The following FARP2 variants were observed in gnomAD, a reference collection of about 807,000 sequenced individuals.
The protein encoded by FARP2 is FERM, ARH/RhoGEF and pleckstrin domain protein 2, also known as FERM, ARHGEF and pleckstrin domain-containing protein 2.
A neutral mutation model predicts 130.5 loss-of-function variants in FARP2; 111 were observed. That is an observed-to-expected ratio of 0.85 (90% CI 0.73 to 1.00). The LOEUF is 1.00. FARP2 is among the 50% of genes least tolerant of loss of function. The pLI, the probability that FARP2 is intolerant of heterozygous loss-of-function variation, is 0.00. For missense variants in FARP2, 1,385 were observed against 1,346.3 expected, an observed-to-expected ratio of 1.03 and a Z score of -0.45; for synonymous variants, 504 against 516.9, an observed-to-expected ratio of 0.98 and a Z score of 0.34.
At chr2:241,420,701 C>T (rs1247092357) in intron 8 of FARP2, among the ~76,000 whole-genome samples, 2 of 152,180 alleles carry the variant, frequency 1.3e-5, no homozygotes, top group East Asian at 3.9e-4. Flanking sequence ...CCTCTTTGTC[C>T]TGCAGAGTTG....
At chr2:241,404,292 A>G (rs1211155894) in intron 3 of FARP2, among the ~76,000 whole-genome samples, 1 of 152,248 alleles carries the variant, frequency 6.6e-6, no homozygotes, top group Non-Finnish European at 1.5e-5. Flanking sequence ...ATATTTATAG[A>G]TAGAACTGTT....
rs766813957 is a variant in FARP2 at position 241,434,972 on chromosome 2, C to G, written c.1042C>G (p.Gln348Glu). 6.3e-7 allele frequency: 1 copy of G among 1,578,480 alleles called. No individual in the cohort carries two copies. The highest frequency in any genetic ancestry group is 1.7e-5 in the Admixed American group (1 of 58,492). Residue 348 changes from glutamine (Q) to glutamate (E), a missense_variant, in exon 11 of 27, where the codon CAG (glutamine) becomes GAG (glutamate). Gln to Glu is a conservative substitution (Grantham distance 29). Transcript: ENST00000264042. ...AATCTTTATTCACAGTGGAAGAACT[C>G]AGAAACAACTAGTAGATTATTTCAA... ...GSSFRYSGRT[Q>E]KQLVDYFKDS... is the part of the protein sequence containing the mutation.
intron 1 of FARP2, among the ~76,000 whole-genome samples, chr2:241,366,522 A>G (rs1261696661): frequency 6.6e-6 from 1 of 152,110 alleles, no homozygotes; most frequent in Non-Finnish European, 1.5e-5. Context: ...ATGTAGAAAG[A>G]AATCTCTTTG....
At chr2:241,411,605 G>C (rs1275584923) in intron 6 of FARP2, among the ~76,000 whole-genome samples, 1 of 152,190 alleles carries the variant, frequency 6.6e-6, no homozygotes, top group Non-Finnish European at 1.5e-5. Context: ...AAGAATTATA[G>C]TTACTTCAAA....
chr2:241,396,929 C>T (rs1276950230), intron 2 of FARP2, among the ~76,000 whole-genome samples: 2 of 152,136 alleles, frequency 1.3e-5, no homozygotes, highest in Non-Finnish European at 2.9e-5. Flanking sequence ...GACTTGGAAC[C>T]AACCCAAATG....
rs568216775 is a variant in FARP2 at position 241,380,465 on chromosome 2, T to C, written c.183+7175T>C. Among the ~76,000 whole-genome samples, 11 of 152,288 alleles carry C rather than the reference T, an allele frequency of 7.2e-5. No individual in the cohort carries two copies. In the South Asian group the frequency reaches 2.1e-3, roughly 29 times the overall value. On this transcript the variant is annotated intron_variant, in intron 2 of 26. Coordinates refer to ENST00000264042, the MANE Select transcript of FARP2 (RefSeq NM_014808.4). Reference sequence around the variant, plus strand: ...CGTGGGAGGCTAGAAAAGCTGAGCTTGTACAGGTTGAGTATCCCTTATCTA... The same window carrying C: ...CGTGGGAGGCTAGAAAAGCTGAGCTCGTACAGGTTGAGTATCCCTTATCTA...
chr2:241,444,842 A>G (rs1017328489), intron 13 of FARP2: 1 of 152,174 alleles, frequency 6.6e-6, no homozygotes, highest in Admixed American at 6.5e-5. Context: ...AACCCGCATC[A>G]CCTCAAATTC....
intron 1 of FARP2, among the ~76,000 whole-genome samples, chr2:241,360,169 C>G (rs184575233): frequency 5.3e-5 from 8 of 152,160 alleles, no homozygotes; most frequent in Admixed American, 4.6e-4. Flanking sequence ...CTCCTGTATC[C>G]CTAAGCATTT....
chr2:241,429,910 G>A (rs2063049841), intron 8 of FARP2, among the ~76,000 whole-genome samples: 2 of 152,136 alleles, frequency 1.3e-5, no homozygotes, highest in African/African-American at 4.8e-5. Context: ...GGAAAGAAAG[G>A]TTACTTTTTG....
At chr2:241,451,122 A>T (rs1212207275) in intron 13 of FARP2, among the ~76,000 whole-genome samples, 2 of 151,846 alleles carry the variant, frequency 1.3e-5, no homozygotes, top group African/African-American at 2.4e-5. Flanking sequence ...ACCTGGCTAA[A>T]TTTTTGATAA....
At position 241,493,168 on chromosome 2, in the gene FARP2, C is replaced by T. The variant is rs949700179; in HGVS notation, c.2896-125C>T. ...GCCCACACACCCTGTGCTGTGTGAA[C>T]AGGGAAACTGGCTCCCTTGGCCCGT... On this transcript the variant is annotated intron_variant, in intron 25 of 26. Transcript: ENST00000264042. The T allele has an allele frequency of 1.3e-5, 16 of 1,241,336 alleles. No homozygotes were observed. The Admixed American group carries it at 2.6e-4, about 20-fold the overall frequency. 76.9% of individuals were successfully genotyped at this position (1,241,336 alleles called of 1,614,324 possible).
chr2:241,439,802 A>C (rs2063335765), intron 12 of FARP2, among the ~76,000 whole-genome samples: 1 of 152,054 alleles, frequency 6.6e-6, no homozygotes, highest in South Asian at 2.1e-4. Context: ...GGTTTAATAA[A>C]ATACAAAAAT....
At chr2:241,427,577 G>A (rs1247533161) in intron 8 of FARP2, among the ~76,000 whole-genome samples, 4 of 152,174 alleles carry the variant, frequency 2.6e-5, no homozygotes, top group Non-Finnish European at 5.9e-5. Flanking sequence ...AAGATTTATA[G>A]ATTGGGGTAC....
intron 20 of FARP2, chr2:241,483,963 G>C: frequency 7.6e-7 from 1 of 1,307,398 alleles, no homozygotes; most frequent in East Asian, 3.5e-5. Context: ...TGGATGAGGA[G>C]GTAACTGAGT....
intron 11 of FARP2, among the ~76,000 whole-genome samples, chr2:241,435,870 A>G (rs914353748): frequency 1.3e-5 from 2 of 148,432 alleles, no homozygotes; most frequent in Non-Finnish European, 3.0e-5. Context: ...TCTCTTCTGT[A>G]TAGCTTAGCT....
chr2:241,436,842 G>A (rs1011388832), intron 12 of FARP2, among the ~76,000 whole-genome samples: 6 of 152,124 alleles, frequency 3.9e-5, no homozygotes, highest in African/African-American at 1.4e-4. Flanking sequence ...AAAATTAGCC[G>A]AGCATGATGG....
At chr2:241,422,497 A>T (rs913363389) in intron 8 of FARP2, among the ~76,000 whole-genome samples, 40 of 152,198 alleles carry the variant, frequency 2.6e-4, no homozygotes, top group Admixed American at 2.6e-4. Context: ...AGTTTGATAA[A>T]CCCACAGAGA....
intron 2 of FARP2, among the ~76,000 whole-genome samples, chr2:241,397,804 C>T (rs1397529439): frequency 2.0e-5 from 3 of 150,110 alleles, no homozygotes; most frequent in African/African-American, 7.3e-5. Context: ...TTTTCATGAA[C>T]TCCAAAGGTT....
chr2:241,421,869 C>T (rs1162739218), intron 8 of FARP2, among the ~76,000 whole-genome samples: 7 of 152,274 alleles, frequency 4.6e-5, no homozygotes, highest in East Asian at 1.9e-4. Context: ...ACAGGCCAGG[C>T]GTAGTGGCTC....
Sources: gnomAD v4.1 joint callset for allele counts (sites outside exome capture counted in the v4.1 genomes callset) on GRCh38, gnomAD v4.1.1 for gene constraint, MANE v1.5 for transcripts, NCBI Gene and HGNC (gene_info 2026-07-23, HGNC 2026-07-21) for gene names.